The following MACROD2 variants were observed in gnomAD, a reference collection of about 807,000 sequenced individuals.
The protein encoded by MACROD2 is ADP-ribose glycohydrolase MACROD2.
MACROD2 carries 36 observed loss-of-function variants against 70.4 expected under a neutral mutation model. The observed-to-expected ratio is 0.51, with a 90% confidence interval of 0.39 to 0.68. MACROD2 has a LOEUF of 0.68. Among genes scored for constraint, MACROD2 ranks in the 30% least tolerant of loss-of-function variants. The pLI is 0.00. For missense variants in MACROD2, 496 were observed against 538.4 expected, an observed-to-expected ratio of 0.92 and a Z score of 0.78; for synonymous variants, 172 against 178.8, an observed-to-expected ratio of 0.96 and a Z score of 0.30.
At chr20:14,394,296 G>A (rs1178241601) in intron 3 of MACROD2, among the ~76,000 whole-genome samples, 2 of 152,032 alleles carry the variant, frequency 1.3e-5, no homozygotes, top group East Asian at 1.9e-4. Context: ...TCTCAGCATC[G>A]CTTTGTAGTT....
chr20:14,151,891 G>A (rs1011191944), intron 3 of MACROD2, among the ~76,000 whole-genome samples: 3 of 139,078 alleles, frequency 2.2e-5, no homozygotes, highest in South Asian at 2.2e-4. Flanking sequence ...GCACAATCTC[G>A]GCTCACTGCA....
chr20:15,801,618 T>C (rs2063727528), intron 8 of MACROD2, among the ~76,000 whole-genome samples: 1 of 152,140 alleles, frequency 6.6e-6, no homozygotes, highest in Admixed American at 6.5e-5. Flanking sequence ...GTAGTATATT[T>C]TGAAGTGAGA....
intron 3 of MACROD2, among the ~76,000 whole-genome samples, chr20:14,250,912 T>C (rs2082007264): frequency 6.6e-6 from 1 of 152,154 alleles, no homozygotes; most frequent in South Asian, 2.1e-4. Context: ...AAAGATTTTT[T>C]TTTGTTATGG....
intron 5 of MACROD2, among the ~76,000 whole-genome samples, chr20:15,158,728 G>A (rs1232797987): frequency 5.3e-5 from 8 of 152,100 alleles, no homozygotes; most frequent in Non-Finnish European, 1.2e-4. Context: ...TTGAAGGATA[G>A]CTACTGGTTT....
At chr20:14,994,005 T>C (rs982467879) in intron 5 of MACROD2, among the ~76,000 whole-genome samples, 9 of 152,282 alleles carry the variant, frequency 5.9e-5, no homozygotes, top group African/African-American at 2.2e-4. Flanking sequence ...TCTTGTTGAA[T>C]CTTCAAGAAG....
chr20:14,862,005 T>TATTTA (rs2073326897), intron 5 of MACROD2, among the ~76,000 whole-genome samples: 1 of 11,788 alleles, frequency 8.5e-5, no homozygotes, highest in African/African-American at 3.4e-4. Flanking sequence ...ATATATATAT[T>TATTTA]TATATATATA....
intron 2 of MACROD2, among the ~76,000 whole-genome samples, chr20:14,051,511 G>A (rs774635996): frequency 1.3e-5 from 2 of 152,012 alleles, no homozygotes; most frequent in Non-Finnish European, 2.9e-5. Flanking sequence ...TGGGGGTGAG[G>A]GTGTGACTGA....
intron 7 of MACROD2, among the ~76,000 whole-genome samples, chr20:15,433,035 G>A (rs572059714): frequency 2.6e-5 from 4 of 151,726 alleles, no homozygotes; most frequent in Admixed American, 1.3e-4. Flanking sequence ...AACAAAATGG[G>A]CATAGAAGGG....
At chr20:14,451,686 G>A (rs2084246983) in intron 3 of MACROD2, among the ~76,000 whole-genome samples, 1 of 152,160 alleles carries the variant, frequency 6.6e-6, no homozygotes, top group Admixed American at 6.5e-5. Context: ...GGCAGTGGCT[G>A]GAGGCCAAAG....
intron 8 of MACROD2, among the ~76,000 whole-genome samples, chr20:15,679,621 G>A (rs1317715634): frequency 6.6e-6 from 1 of 152,194 alleles, no homozygotes. Context: ...AGAGCTTTGA[G>A]CTGCCCTGTG....
intron 6 of MACROD2, among the ~76,000 whole-genome samples, chr20:15,260,656 AG>A (rs1839361224): frequency 6.6e-6 from 1 of 151,816 alleles, no homozygotes; most frequent in African/African-American, 2.4e-5. Context: ...GTCATATGGT[AG>A]TTCTGTTTTT....
intron 6 of MACROD2, among the ~76,000 whole-genome samples, chr20:15,343,558 A>T (rs1600267319): frequency 6.6e-6 from 1 of 152,188 alleles, no homozygotes; most frequent in East Asian, 1.9e-4. Context: ...AGCCTACAAT[A>T]TCAGATACAA....
intron 3 of MACROD2, among the ~76,000 whole-genome samples, chr20:14,149,846 T>C (rs957580247): frequency 6.6e-6 from 1 of 152,158 alleles, no homozygotes; most frequent in Admixed American, 6.5e-5. Flanking sequence ...AGTGTTTTTC[T>C]TAAGAGTATT....
At chr20:15,137,902 T>C (rs1289505357) in intron 5 of MACROD2, among the ~76,000 whole-genome samples, 2 of 152,138 alleles carry the variant, frequency 1.3e-5, no homozygotes, top group Non-Finnish European at 2.9e-5. Context: ...GAGAGAATTC[T>C]ACTCTTCATT....
intron 6 of MACROD2, among the ~76,000 whole-genome samples, chr20:15,240,734 G>A (rs2077053666): frequency 6.6e-6 from 1 of 152,126 alleles, no homozygotes; most frequent in Non-Finnish European, 1.5e-5. Context: ...GGGACCTTTG[G>A]GAGGTGATTA....
chr20:14,439,367 C>A (rs1025564481), intron 3 of MACROD2, among the ~76,000 whole-genome samples: 21 of 152,008 alleles, frequency 1.4e-4, no homozygotes, highest in African/African-American at 5.1e-4. Context: ...ATTGCTTTGG[C>A]TATTCATAGT....
chr20:15,987,996 T>C (rs188320425), intron 15 of MACROD2, among the ~76,000 whole-genome samples: 20 of 152,300 alleles, frequency 1.3e-4, no homozygotes, highest in Non-Finnish European at 2.5e-4. Flanking sequence ...GTGATCAATT[T>C]TGTTTCCAAA....
At chr20:14,551,058 T>C (rs1978621733) in intron 4 of MACROD2, among the ~76,000 whole-genome samples, 1 of 152,154 alleles carries the variant, frequency 6.6e-6, no homozygotes, top group Admixed American at 6.6e-5. Context: ...CCTTTTTCAA[T>C]GAATGTAACT....
chr20:15,700,319 C>T (rs1221494222), intron 8 of MACROD2, among the ~76,000 whole-genome samples: 1 of 152,166 alleles, frequency 6.6e-6, no homozygotes, highest in African/African-American at 2.4e-5. Context: ...GAGAGAGATC[C>T]GGAGTCCCCG....
Sources: allele counts gnomAD v4.1 joint callset (sites outside exome capture counted in the v4.1 genomes callset), GRCh38; gene constraint gnomAD v4.1.1; transcripts MANE v1.5; gene names NCBI Gene and HGNC (gene_info 2026-07-23, HGNC 2026-07-21).